Variants in MAML2 observed in about 807,000 individuals in gnomAD.
MAML2 encodes the protein mastermind-like protein 2.
A neutral mutation model predicts 96.1 loss-of-function variants in MAML2; 22 were observed. The ratio of observed to expected loss-of-function variants is 0.23; its 90% CI spans 0.16 to 0.33. The LOEUF is 0.33. Ranked by LOEUF, MAML2 falls within the 10% of genes least tolerant of loss-of-function variation. The pLI is 1.00. For synonymous variants in MAML2, 561 were observed against 521.3 expected (o/e 1.08, Z -1.04); for missense variants, 1,367 against 1,392.4 (o/e 0.98, Z 0.29).
intron 1 of MAML2, among the ~76,000 whole-genome samples, chr11:96,269,028 A>T (rs558946048): frequency 2.1e-5 from 3 of 145,362 alleles, no homozygotes; most frequent in Non-Finnish European, 4.5e-5. Flanking sequence ...AAACATACTC[A>T]GAAAGTTATG....
chr11:96,087,462 C>T (rs1400730530), intron 2 of MAML2, among the ~76,000 whole-genome samples: 2 of 152,200 alleles, frequency 1.3e-5, no homozygotes, highest in East Asian at 3.8e-4. Flanking sequence ...TCTGTATCAA[C>T]CTTGTTCCCT....
At chr11:96,071,656 G>A (rs1348916997) in intron 2 of MAML2, among the ~76,000 whole-genome samples, 1 of 152,244 alleles carries the variant, frequency 6.6e-6, no homozygotes, top group Non-Finnish European at 1.5e-5. Flanking sequence ...TGGTCTTGAT[G>A]TTCTGTAACC....
intron 2 of MAML2, among the ~76,000 whole-genome samples, chr11:96,026,518 C>T (rs1018641520): frequency 2.6e-5 from 4 of 152,086 alleles, no homozygotes; most frequent in African/African-American, 7.2e-5. Context: ...CCCAACCCTC[C>T]CTTCCTTCAG....
chr11:96,327,319 C>G (rs1863798966), intron 1 of MAML2, among the ~76,000 whole-genome samples: 1 of 152,214 alleles, frequency 6.6e-6, no homozygotes, highest in Non-Finnish European at 1.5e-5. Context: ...TCACTCCAGA[C>G]TTATCATTGT....
intron 1 of MAML2, among the ~76,000 whole-genome samples, chr11:96,288,125 T>C (rs1716190995): frequency 6.6e-6 from 1 of 152,150 alleles, no homozygotes; most frequent in Admixed American, 6.5e-5. Flanking sequence ...TTGTTCAATA[T>C]ATGGAAATAG....
At chr11:96,248,101 C>T (rs1417437254) in intron 1 of MAML2, among the ~76,000 whole-genome samples, 3 of 148,530 alleles carry the variant, frequency 2.0e-5, no homozygotes, top group African/African-American at 4.9e-5. Flanking sequence ...ATTAACTTCA[C>T]CTGTTTTTTT....
At chr11:96,119,338 G>A (rs144915469) in intron 1 of MAML2, among the ~76,000 whole-genome samples, 62 of 152,302 alleles carry the variant, frequency 4.1e-4, no homozygotes, top group African/African-American at 1.4e-3. Context: ...GAGAGCCAAT[G>A]AGATTTGAAG....
chr11:96,235,155 T>C (rs1862351226), intron 1 of MAML2, among the ~76,000 whole-genome samples: 1 of 152,198 alleles, frequency 6.6e-6, no homozygotes, highest in Non-Finnish European at 1.5e-5. Context: ...GTTTGGGATG[T>C]GGCTCATAAA....
chr11:96,131,658 A>T (rs780067239), intron 1 of MAML2, among the ~76,000 whole-genome samples: 38 of 152,186 alleles, frequency 2.5e-4, no homozygotes, highest in Non-Finnish European at 5.0e-4. Context: ...AGGGACGTGG[A>T]GTTTCTTTAT....
At chr11:96,340,573 CT>C (rs1863979106) in intron 1 of MAML2, among the ~76,000 whole-genome samples, 1 of 152,226 alleles carries the variant, frequency 6.6e-6, no homozygotes. Context: ...TTAATCAGAA[CT>C]TTTGGGTTTG....
At chr11:96,155,530 A>ATATATATATATATATG (rs1860997972) in intron 1 of MAML2, among the ~76,000 whole-genome samples, 1 of 70,126 alleles carries the variant, frequency 1.4e-5, no homozygotes, top group African/African-American at 4.0e-5. Flanking sequence ...ATATATATAT[A>ATATATATATATATATG]TATATATATA....
intron 1 of MAML2, among the ~76,000 whole-genome samples, chr11:96,121,817 T>G (rs1860348898): frequency 7.3e-6 from 1 of 136,088 alleles, no homozygotes; most frequent in Non-Finnish European, 1.5e-5. Flanking sequence ...GACGGAGTCT[T>G]GCTCTGTCAC....
intron 1 of MAML2, among the ~76,000 whole-genome samples, chr11:96,326,979 G>A (rs1863794937): frequency 6.6e-6 from 1 of 152,144 alleles, no homozygotes; most frequent in African/African-American, 2.4e-5. Context: ...AACGTGAAAT[G>A]CACAAATAAA....
chr11:96,046,525 C>T (rs1266234563), intron 2 of MAML2, among the ~76,000 whole-genome samples: 1 of 152,006 alleles, frequency 6.6e-6, no homozygotes. Context: ...ATACCTATAC[C>T]AAATAGACTT....
chr11:96,109,857 G>A (rs1739499322), intron 1 of MAML2, among the ~76,000 whole-genome samples: 1 of 152,162 alleles, frequency 6.6e-6, no homozygotes, highest in African/African-American at 2.4e-5. Context: ...GTGCAGATTG[G>A]GTTGAAATGC....
In MAML2 at chr11:96,102,355, A is replaced by G. The variant is rs1287269221; in HGVS notation, c.514-8838T>C. The stretch of plus-strand genomic sequence containing the variant: ...AATTAACAAAAAGAAACAAACAAAA[A>G]GGAATTTACCAGTCTGTCTGGAAAC... On this transcript the variant is annotated intron_variant, in intron 1 of 4. Coordinates refer to ENST00000524717, the MANE Select transcript of MAML2 (RefSeq NM_032427.4). Among the ~76,000 whole-genome samples, 2 of 152,204 alleles carry G rather than the reference A, an allele frequency of 1.3e-5. 1 individual carries two copies. The highest frequency in any genetic ancestry group is 2.9e-5 in the Non-Finnish European group (2 of 68,030).
chr11:96,230,539 C>T (rs1862278935), intron 1 of MAML2, among the ~76,000 whole-genome samples: 1 of 152,188 alleles, frequency 6.6e-6, no homozygotes, highest in African/African-American at 2.4e-5. Flanking sequence ...GAAGACTAGA[C>T]ATACTAGCTC....
At chr11:96,123,962 C>T (rs796616300) in intron 1 of MAML2, among the ~76,000 whole-genome samples, 6 of 151,820 alleles carry the variant, frequency 4.0e-5, no homozygotes, top group Non-Finnish European at 5.9e-5. Context: ...CCTAGCTACT[C>T]GGGAGGCTGT....
chr11:96,259,918 T>C (rs1003320400), intron 1 of MAML2, among the ~76,000 whole-genome samples: 1 of 152,080 alleles, frequency 6.6e-6, no homozygotes, highest in African/African-American at 2.4e-5. Flanking sequence ...CCTTGGGATA[T>C]ACTTTCAAGA....
Sources: allele counts gnomAD v4.1 joint callset (sites outside exome capture counted in the v4.1 genomes callset), GRCh38; gene constraint gnomAD v4.1.1; transcripts MANE v1.5; gene names NCBI Gene and HGNC (gene_info 2026-07-23, HGNC 2026-07-21).